CCDC57: variants seen among roughly 807,000 people sequenced by gnomAD.
CCDC57 encodes coiled-coil domain containing 57, also known as coiled-coil domain-containing protein 57.
In CCDC57, 118 loss-of-function variants were observed where a neutral mutation model predicts 118.9. The observed-to-expected ratio is 0.99, with a 90% confidence interval of 0.86 to 1.16. CCDC57 has a LOEUF of 1.16. Ranked by LOEUF, CCDC57 falls within the 50% of genes most tolerant of loss-of-function variation. The pLI, the probability that CCDC57 is intolerant of heterozygous loss-of-function variation, is 0.00. For synonymous variants in CCDC57, 527 were observed against 532.9 expected, an observed-to-expected ratio of 0.99 and a Z score of 0.15; for missense variants, 1,300 against 1,320.7, an observed-to-expected ratio of 0.98 and a Z score of 0.24.
At chr17:82,198,589 A>T (rs561608666) in intron 3 of CCDC57, among the ~76,000 whole-genome samples, 167 bp from the exon 3 acceptor site, 8 of 152,120 alleles carry the variant, frequency 5.3e-5, no homozygotes, top group Non-Finnish European at 8.8e-5. Context: ...CTGGACCAGC[A>T]TGCTACACCC....
At chr17:82,203,431 T>C (rs2146940391) in intron 2 of CCDC57, among the ~76,000 whole-genome samples, 1 of 152,378 alleles carries the variant, frequency 6.6e-6, no homozygotes, top group Non-Finnish European at 1.5e-5. Context: ...CATTCTTTTG[T>C]TCTTTTATTT....
At chr17:82,107,666 C>A (rs953434168) in intron 19 of CCDC57, 3 of 459,628 alleles carry the variant, frequency 6.5e-6, no homozygotes, top group Non-Finnish European at 1.3e-5. Flanking sequence ...GAAGAAACAC[C>A]CCCTGCTGTC....
chr17:82,155,415 A>G (rs1176912210), intron 15 of CCDC57: 4 of 152,304 alleles, frequency 2.6e-5, no homozygotes, highest in Admixed American at 1.3e-4. Flanking sequence ...GTGGTCTTCA[A>G]CGTCACTGCC....
chr17:82,156,583 G>T (rs186201342), intron 15 of CCDC57: 33 of 152,426 alleles, frequency 2.2e-4, no homozygotes, highest in African/African-American at 7.9e-4. Flanking sequence ...GAGCCCAGGA[G>T]GGCTAGGGTG....
At position 82,188,537 on chromosome 17, in the gene CCDC57, C is replaced by T. The variant is rs527853915; in HGVS notation, c.852-118G>A. On this transcript the variant is annotated intron_variant, in intron 7 of 19. Transcript: ENST00000665763. ...CACAGGTGCTGCTGTATGTCTGCCT[C>T]AAGGCTTCGCAGCAGCCACCTGGCC... The T allele has an allele frequency of 5.6e-5, 59 of 1,062,102 alleles. 1 individual carries two copies. The African/African-American group carries it at 7.6e-4, about 14-fold the overall frequency. The allele number at this position is 1,062,102 out of a possible 1,614,324, so 65.8% of individuals were successfully genotyped here.
At chr17:82,153,011 G>A (rs1598966595) in intron 15 of CCDC57, among the ~76,000 whole-genome samples, 1 of 152,228 alleles carries the variant, frequency 6.6e-6, no homozygotes, top group Non-Finnish European at 1.5e-5. Context: ...CAGCCCCCAT[G>A]AAGGCTCGCC....
At chr17:82,141,608 A>G (rs1397886946) in intron 16 of CCDC57, among the ~76,000 whole-genome samples, 1 of 152,214 alleles carries the variant, frequency 6.6e-6, no homozygotes, top group Middle Eastern at 3.2e-3. Context: ...CTATGGAAAT[A>G]ACCAAGCCAT....
At chr17:82,110,878 A>T (rs1464599057) in intron 19 of CCDC57, among the ~76,000 whole-genome samples, 1 of 151,910 alleles carries the variant, frequency 6.6e-6, no homozygotes, top group Non-Finnish European at 1.5e-5. Flanking sequence ...TACAAACATT[A>T]TCTGGGCATG....
intron 17 of CCDC57, among the ~76,000 whole-genome samples, chr17:82,133,151 G>A (rs929054924): frequency 1.3e-5 from 2 of 152,110 alleles, no homozygotes; most frequent in African/African-American, 4.8e-5. Context: ...TGGGCAGATC[G>A]CTTGAGCCCA....
intron 7 of CCDC57, among the ~76,000 whole-genome samples, chr17:82,189,629 C>T (rs2047401225): frequency 6.6e-6 from 1 of 152,022 alleles, no homozygotes; most frequent in Non-Finnish European, 1.5e-5. Context: ...GAGGGTGGAT[C>T]GCTTGAGGTC....
At chr17:82,210,211 C>T (rs1379156184) in intron 1 of CCDC57, among the ~76,000 whole-genome samples, 1 of 152,012 alleles carries the variant, frequency 6.6e-6, no homozygotes, top group African/African-American at 2.4e-5. Flanking sequence ...ACCGAGACCG[C>T]GCCCCTGCAA....
intron 7 of CCDC57, among the ~76,000 whole-genome samples, chr17:82,191,453 G>A (rs1467942272): frequency 6.6e-6 from 1 of 152,052 alleles, no homozygotes; most frequent in Non-Finnish European, 1.5e-5. Context: ...TTTAGAGGAA[G>A]GAAAAAGTAA....
intron 7 of CCDC57, among the ~76,000 whole-genome samples, chr17:82,190,391 G>A (rs1036705541): frequency 6.6e-6 from 1 of 152,162 alleles, no homozygotes; most frequent in Non-Finnish European, 1.5e-5. Flanking sequence ...GCAGCTGCTG[G>A]CCATTCTAAA....
chr17:82,157,951 AG>A lies in CCDC57; in HGVS notation c.2041-4del, dbSNP rs1418232113. 1.3e-6 allele frequency: 2 copies of A among 1,551,946 alleles called. No individual in the cohort carries two copies. Among genetic ancestry groups the A allele is most frequent in the Non-Finnish European group, 1.7e-6 (2 of 1,148,140 alleles). ...GGCTCCAGGGGTTCCCGCAGCACCT[AG>A]GGGTCATTTCAAAGGCAGTGTGAGG... On this transcript the variant is annotated splice_region_variant and splice_polypyrimidine_tract_variant and intron_variant, in intron 14 of 19. Transcript: ENST00000665763.
intron 7 of CCDC57, among the ~76,000 whole-genome samples, chr17:82,191,976 CT>C (rs1426505380): frequency 6.9e-6 from 1 of 144,654 alleles, no homozygotes; most frequent in Admixed American, 7.3e-5. Context: ...CCTAATTCTA[CT>C]TTTTTATGAC....
intron 9 of CCDC57, 113 bp downstream of exon 8, chr17:82,183,661 C>G (rs2046476222): frequency 1.9e-6 from 2 of 1,052,504 alleles, no homozygotes; most frequent in Non-Finnish European, 2.7e-6. Flanking sequence ...CTTTCTCCCC[C>G]AAGAAAATGT....
chr17:82,163,324 G>A, exon 14 of CCDC57: 1 of 1,613,708 alleles, frequency 6.2e-7, no homozygotes, highest in Non-Finnish European at 8.5e-7. Flanking sequence ...AGCTTGGACA[G>A]ACCCTCCGGC....
chr17:82,198,992 CAAAAA>C (rs34649384), intron 3 of CCDC57, among the ~76,000 whole-genome samples: 2 of 87,586 alleles, frequency 2.3e-5, no homozygotes, highest in Non-Finnish European at 2.3e-5. Context: ...GACTCCATCT[CAAAAA>C]AAAAAAAAAA....
At chr17:82,167,724 AC>A (rs1430026972) in intron 13 of CCDC57, among the ~76,000 whole-genome samples, 6 of 148,314 alleles carry the variant, frequency 4.0e-5, no homozygotes, top group Non-Finnish European at 7.5e-5. Context: ...CAAGTGATCC[AC>A]CCACCTCGGC....
Sources: gnomAD v4.1 joint callset for allele counts (sites outside exome capture counted in the v4.1 genomes callset) on GRCh38, gnomAD v4.1.1 for gene constraint, MANE v1.5 for transcripts, NCBI Gene and HGNC (gene_info 2026-07-23, HGNC 2026-07-21) for gene names.